Variants in STK32B observed in about 807,000 individuals in gnomAD.
The protein encoded by STK32B is serine/threonine kinase 32B, also known as serine/threonine-protein kinase 32B.
Under a neutral mutation model 52.6 loss-of-function variants are expected in STK32B, and 43 were observed. That is an observed-to-expected ratio of 0.82 (90% CI 0.64 to 1.05). The LOEUF (loss-of-function observed/expected upper bound fraction) is 1.05. STK32B is among the 50% of genes least tolerant of loss of function. STK32B has a pLI of 0.00. For synonymous variants in STK32B, 238 were observed against 204.3 expected (o/e 1.17, Z -1.41); for missense variants, 621 against 534.6 (o/e 1.16, Z -1.59).
At chr4:5,143,597 C>G (rs1310802043) in intron 2 of STK32B, among the ~76,000 whole-genome samples, 1 of 152,178 alleles carries the variant, frequency 6.6e-6, no homozygotes, top group African/African-American at 2.4e-5. Flanking sequence ...GACTGATAAA[C>G]AGATCTCAGG....
rs186049369 is a variant in STK32B at position 5,176,366 on chromosome 4, C to T, written c.260+7916C>T. Among the ~76,000 whole-genome samples the T allele has an allele frequency of 1.9e-3, 294 of 151,718 alleles. 1 individual carries two copies. The Middle Eastern group carries it at 0.027, about 14-fold the overall frequency. On this transcript the variant is annotated intron_variant, in intron 3 of 11. Coordinates refer to ENST00000282908, the MANE Select transcript of STK32B (RefSeq NM_018401.3). The stretch of plus-strand genomic sequence containing the variant: ...GAACCCGGTACCTCAGTTCGAAATG[C>T]AGAAATCACCGGTCTTCTGCGTTGC...
intron 5 of STK32B, among the ~76,000 whole-genome samples, chr4:5,410,588 G>C (rs139744392): frequency 6.6e-6 from 1 of 152,120 alleles, no homozygotes; most frequent in African/African-American, 2.4e-5. Flanking sequence ...CCCAGGCTGT[G>C]GTCTTGGAGG....
At chr4:5,454,631 G>A (rs529503113) in intron 7 of STK32B, among the ~76,000 whole-genome samples, 1 of 152,214 alleles carries the variant, frequency 6.6e-6, no homozygotes, top group African/African-American at 2.4e-5. Flanking sequence ...TAGCAGCAGT[G>A]GTCAGAGGTG....
chr4:5,470,462 T>C lies in STK32B; in HGVS notation c.1106+2392T>C, dbSNP rs1717770534. 6.6e-6 allele frequency among the ~76,000 whole-genome samples: 1 copy of C among 152,150 alleles called. No homozygotes were observed. Among genetic ancestry groups the C allele is most frequent in the African/African-American group, 2.4e-5 (1 of 41,444 alleles). On this transcript the variant is annotated intron_variant, in intron 11 of 11. Transcript: ENST00000282908. This position sits in a 1 kb window ranked among gnomAD's most constrained non-coding sequence, Gnocchi z 4.6. ...GGAAGCTGTTGGCTGAGGTCTGAGC[T>C]GTAGTTCTTCTTCTTCATCCTGTCT...
intron 3 of STK32B, among the ~76,000 whole-genome samples, chr4:5,218,453 T>C (rs923564843): frequency 6.6e-6 from 1 of 152,232 alleles, no homozygotes; most frequent in African/African-American, 2.4e-5. Flanking sequence ...TATTTAGAGC[T>C]GACTAATGGA....
intron 3 of STK32B, among the ~76,000 whole-genome samples, chr4:5,236,547 C>T (rs1482799853): frequency 1.1e-4 from 17 of 152,098 alleles, no homozygotes; most frequent in Admixed American, 8.5e-4. Flanking sequence ...GCTTTGCCTG[C>T]CTTTGTACTT....
intron 11 of STK32B, among the ~76,000 whole-genome samples, chr4:5,478,472 T>C (rs1560447494): frequency 6.6e-6 from 1 of 152,190 alleles, no homozygotes; most frequent in East Asian, 1.9e-4. Flanking sequence ...ACTTTAATGC[T>C]TCTGGCCAAA....
intron 3 of STK32B, among the ~76,000 whole-genome samples, chr4:5,295,289 A>G (rs1262696309): frequency 6.6e-6 from 1 of 151,996 alleles, no homozygotes; most frequent in Non-Finnish European, 1.5e-5. Context: ...ATGCCTCATA[A>G]AACGAGTTAT....
intron 11 of STK32B, among the ~76,000 whole-genome samples, chr4:5,490,824 T>C (rs982003173): frequency 6.6e-6 from 1 of 151,902 alleles, no homozygotes; most frequent in Non-Finnish European, 1.5e-5. Flanking sequence ...ATATGCGGTG[T>C]TTGGTTTTTT....
chr4:5,078,555 A>G (rs1343850128), intron 1 of STK32B, among the ~76,000 whole-genome samples: 1 of 152,228 alleles, frequency 6.6e-6, no homozygotes, highest in Non-Finnish European at 1.5e-5. Context: ...TGGGGATTCA[A>G]CTACGTCCGA....
intron 1 of STK32B, among the ~76,000 whole-genome samples, chr4:5,129,803 C>T (rs1054486431): frequency 1.1e-4 from 16 of 152,102 alleles, no homozygotes; most frequent in Non-Finnish European, 2.1e-4. Flanking sequence ...CAGAAGTGAC[C>T]CTCTCATTGC....
chr4:5,203,653 G>A (rs540266634), intron 3 of STK32B, among the ~76,000 whole-genome samples: 25 of 152,100 alleles, frequency 1.6e-4, no homozygotes, highest in Admixed American at 1.5e-3. Context: ...CTGATACGGC[G>A]CACAGTACTC....
At chr4:5,452,210 G>A (rs547155105) in intron 7 of STK32B, among the ~76,000 whole-genome samples, 1 of 152,292 alleles carries the variant, frequency 6.6e-6, no homozygotes, top group Non-Finnish European at 1.5e-5. Context: ...CCTTGCCTTT[G>A]ACCCCAGTCA....
intron 1 of STK32B, among the ~76,000 whole-genome samples, chr4:5,090,372 T>G (rs1339403128): frequency 1.7e-4 from 3 of 17,736 alleles, no homozygotes; most frequent in Admixed American, 1.1e-3. Context: ...TAATCCATCT[T>G]TTTTTTTTTT....
rs1450418786 is a variant in STK32B at position 5,170,598 on chromosome 4, TG to T, written c.260+2150del. On this transcript the variant is annotated intron_variant, in intron 3 of 11. Coordinates refer to ENST00000282908, the MANE Select transcript of STK32B (RefSeq NM_018401.3). ...CCTCGTGATAGTTTGCTGAGAATGA[TG>T]GTTTCCAGCTTCATCCATGTCCCTA... Among the ~76,000 whole-genome samples, 3 of 152,146 alleles carry T rather than the reference TG, an allele frequency of 2.0e-5. No individual in the cohort carries two copies. The East Asian group carries it at 5.8e-4, about 29-fold the overall frequency.
chr4:5,419,045 A>G (rs778763663), intron 6 of STK32B, among the ~76,000 whole-genome samples: 1 of 152,264 alleles, frequency 6.6e-6, no homozygotes, highest in Non-Finnish European at 1.5e-5. Context: ...AGATATAAAA[A>G]GAAATGACTA....
intron 3 of STK32B, among the ~76,000 whole-genome samples, chr4:5,262,389 G>C (rs1726768305): frequency 6.6e-6 from 1 of 152,002 alleles, no homozygotes; most frequent in African/African-American, 2.4e-5. Context: ...CACTTTGGGA[G>C]GCCGAGGCAG....
At chr4:5,328,127 G>T (rs1731997733) in intron 3 of STK32B, among the ~76,000 whole-genome samples, 2 of 152,198 alleles carry the variant, frequency 1.3e-5, no homozygotes, top group Admixed American at 1.3e-4. Flanking sequence ...TTAAGGCCTT[G>T]CTCTGGATTA....
At chr4:5,301,491 A>G (rs1729550687) in intron 3 of STK32B, among the ~76,000 whole-genome samples, 1 of 151,672 alleles carries the variant, frequency 6.6e-6, no homozygotes, top group Non-Finnish European at 1.5e-5. Context: ...TTTCTTCTTG[A>G]ATAGTGTTGA....
Sources: gnomAD v4.1 joint callset for allele counts (sites outside exome capture counted in the v4.1 genomes callset) on GRCh38, gnomAD v4.1.1 for gene constraint, Gnocchi (gnomAD v3.1) non-coding constraint, MANE v1.5 for transcripts, NCBI Gene and HGNC (gene_info 2026-07-23, HGNC 2026-07-21) for gene names.